KDM4C: variants seen among roughly 807,000 people sequenced by gnomAD.
KDM4C encodes the protein lysine demethylase 4C.
KDM4C carries 81 observed loss-of-function variants against 129.3 expected under a neutral mutation model. The observed-to-expected ratio is 0.63, with a 90% CI of 0.52 to 0.75. The LOEUF (loss-of-function observed/expected upper bound fraction) is 0.75, where lower values mean the gene tolerates loss of function less well. Among genes scored for constraint, KDM4C ranks in the 30% least tolerant of loss-of-function variants. The pLI is 0.00. For synonymous variants in KDM4C, 573 were observed against 456.1 expected, an observed-to-expected ratio of 1.26 and a Z score of -3.26; for missense variants, 1,457 against 1,304.0, an observed-to-expected ratio of 1.12 and a Z score of -1.81.
chr9:6,742,268 C>T (rs1046000121), intron 1 of KDM4C, among the ~76,000 whole-genome samples: 2 of 151,138 alleles, frequency 1.3e-5, no homozygotes, highest in African/African-American at 2.5e-5. Flanking sequence ...CCCGCCTTGG[C>T]CCCCCAGAGT....
At chr9:6,943,911 AT>A (rs1300282471) in intron 8 of KDM4C, among the ~76,000 whole-genome samples, 5 of 152,130 alleles carry the variant, frequency 3.3e-5, no homozygotes, top group African/African-American at 1.2e-4. Context: ...AAATTCTGAG[AT>A]TCACTTTGCT....
At chr9:7,051,122 C>G (rs1252394073) in intron 17 of KDM4C, among the ~76,000 whole-genome samples, 1 of 152,076 alleles carries the variant, frequency 6.6e-6, no homozygotes, top group Non-Finnish European at 1.5e-5. Flanking sequence ...GCCTCTTGAC[C>G]AGATTATTTT....
At chr9:6,909,377 C>G (rs1269064192) in intron 8 of KDM4C, among the ~76,000 whole-genome samples, 1 of 152,216 alleles carries the variant, frequency 6.6e-6, no homozygotes, top group Admixed American at 6.5e-5. Context: ...TAACACCTTT[C>G]TGTAGTGCTG....
intron 12 of KDM4C, among the ~76,000 whole-genome samples, chr9:7,002,672 G>A (rs559850824): frequency 6.6e-6 from 1 of 152,130 alleles, no homozygotes; most frequent in South Asian, 2.1e-4. Flanking sequence ...GACTGAGCTG[G>A]TTTCCTCCTA....
chr9:6,865,554 C>A (rs1171781042), intron 5 of KDM4C, among the ~76,000 whole-genome samples: 1 of 151,938 alleles, frequency 6.6e-6, no homozygotes, highest in East Asian at 1.9e-4. Context: ...TTATTTATCT[C>A]AGTCTTCTCT....
intron 4 of KDM4C, among the ~76,000 whole-genome samples, chr9:6,825,111 A>C (rs1833672853): frequency 6.9e-6 from 1 of 145,448 alleles, no homozygotes; most frequent in South Asian, 2.2e-4. Context: ...GTGCCATTGC[A>C]CTCCAGCCTG....
rs779423840 is a variant in KDM4C at position 7,103,809 on chromosome 9, C to A, written c.2549C>A (p.Pro850His). Residue 850 changes from proline to histidine, a missense_variant, in exon 18 of 22, where the codon CCT becomes CAT. By Grantham distance (77) the Pro-to-His change is moderately conservative. Transcript: ENST00000381309. ...CAHAAGVLME[P>H]DDWPYVVNIT... ...CATGCTGCTGGGGTACTGATGGAGC[C>A]TGATGACTGGCCTTATGTGGTGAAC... The A allele has an allele frequency of 6.2e-7, 1 of 1,614,052 alleles. No individual in the cohort carries two copies. The highest frequency in any genetic ancestry group is 1.7e-5 in the Admixed American group (1 of 60,008).
chr9:6,794,885 A>G (rs547555017), intron 2 of KDM4C, among the ~76,000 whole-genome samples: 13 of 152,314 alleles, frequency 8.5e-5, no homozygotes, highest in East Asian at 3.8e-4. Context: ...GAGATCCACT[A>G]TATGATATAA....
intron 17 of KDM4C, among the ~76,000 whole-genome samples, chr9:7,063,121 A>G (rs1410263582): frequency 1.3e-5 from 2 of 152,236 alleles, no homozygotes; most frequent in Non-Finnish European, 2.9e-5. Context: ...TTTGCCACAT[A>G]TCTTTAGTAA....
At chr9:6,996,404 G>C (rs1363886519) in intron 12 of KDM4C, among the ~76,000 whole-genome samples, 2 of 152,146 alleles carry the variant, frequency 1.3e-5, no homozygotes, top group Non-Finnish European at 2.9e-5. Context: ...CTGCACATGT[G>C]TGCATTTGTT....
chr9:6,929,299 G>T (rs897146677), intron 8 of KDM4C, among the ~76,000 whole-genome samples: 1 of 152,158 alleles, frequency 6.6e-6, no homozygotes, highest in African/African-American at 2.4e-5. Flanking sequence ...AAAGAGACTT[G>T]AAGTCATTTA....
chr9:7,010,284 C>G (rs1399459507), intron 12 of KDM4C, among the ~76,000 whole-genome samples: 1 of 152,076 alleles, frequency 6.6e-6, no homozygotes, highest in African/African-American at 2.4e-5. Context: ...GGGTGAATAC[C>G]AAGTGTTTTC....
chr9:6,995,816 C>T (rs181202371), intron 12 of KDM4C, among the ~76,000 whole-genome samples: 84 of 152,176 alleles, frequency 5.5e-4, no homozygotes, highest in African/African-American at 1.1e-3. Flanking sequence ...GGACTACAGG[C>T]GCCTGCCACC....
At chr9:7,008,277 C>T (rs1246881743) in intron 12 of KDM4C, among the ~76,000 whole-genome samples, 1 of 152,170 alleles carries the variant, frequency 6.6e-6, no homozygotes, top group Non-Finnish European at 1.5e-5. Context: ...TACCTGCAGA[C>T]TGAGCCTCCA....
At chr9:6,791,707 T>C (rs1588290190) in intron 1 of KDM4C, among the ~76,000 whole-genome samples, 1 of 151,976 alleles carries the variant, frequency 6.6e-6, no homozygotes. Flanking sequence ...CAACATCTTT[T>C]GTAAACTTGC....
rs548021573 is a variant in KDM4C, at chr9:7,093,933, T to C, written c.2425-9752T>C. Among the ~76,000 whole-genome samples the C allele has an allele frequency of 4.6e-5, 7 of 152,334 alleles. No homozygotes were observed. In the South Asian group the frequency reaches 1.5e-3, roughly 32 times the overall value. ...CTTTAGAATGTGAGGACTTTGGTTC[T>C]GGTTGAAGAGAGGTAATGTTTTAAA... On this transcript the variant is annotated intron_variant, in intron 17 of 21. Coordinates refer to ENST00000381309, the MANE Select transcript of KDM4C (RefSeq NM_015061.6).
chr9:6,908,693 G>A (rs1818760506), intron 8 of KDM4C, among the ~76,000 whole-genome samples: 1 of 151,982 alleles, frequency 6.6e-6, no homozygotes. Flanking sequence ...GGGTGGGGAG[G>A]TACCTAGCTT....
At chr9:6,987,138 A>C (rs1817864774) in intron 11 of KDM4C, among the ~76,000 whole-genome samples, 1 of 152,136 alleles carries the variant, frequency 6.6e-6, no homozygotes, top group South Asian at 2.1e-4. Flanking sequence ...ACTTTCTGCC[A>C]ATAGTTAATA....
At chr9:6,978,706 T>G (rs1055746344) in intron 8 of KDM4C, 2 of 143,432 alleles carry the variant, frequency 1.4e-5, no homozygotes, top group African/African-American at 4.9e-5. Flanking sequence ...CATCCAAGCA[T>G]CAAGCAAGAC....
Sources: gnomAD v4.1 joint callset for allele counts (sites outside exome capture counted in the v4.1 genomes callset) on GRCh38, gnomAD v4.1.1 for gene constraint, MANE v1.5 for transcripts, NCBI Gene and HGNC (gene_info 2026-07-23, HGNC 2026-07-21) for gene names.